Variants in ARHGAP32 observed in about 807,000 individuals in gnomAD.
ARHGAP32 encodes Rho GTPase activating protein 32.
ARHGAP32 carries 51 observed loss-of-function variants against 186.5 expected under a neutral mutation model. The ratio of observed to expected loss-of-function variants is 0.27; its 90% CI spans 0.22 to 0.35. The LOEUF is 0.35. Among genes scored for constraint, ARHGAP32 ranks in the 10% least tolerant of loss-of-function variants. The pLI is 1.00. For missense variants in ARHGAP32, 2,186 were observed against 2,623.5 expected, an observed-to-expected ratio of 0.83 and a Z score of 3.64; for synonymous variants, 950 against 964.3, an observed-to-expected ratio of 0.99 and a Z score of 0.27.
In ARHGAP32 at chr11:129,192,073, C is replaced by A; in HGVS notation, c.116+10G>T. ...GGACAGGACAAAGGAACTGTGAATT[C>A]CATAATCACCTGAACTTCTCTTCCC... On this transcript the variant is annotated intron_variant, in intron 1 of 22. Transcript: ENST00000682385. 6.2e-7 allele frequency: 1 copy of A among 1,600,642 alleles called. No individual in the cohort carries two copies. Among genetic ancestry groups the A allele is most frequent in the Non-Finnish European group, 8.6e-7 (1 of 1,168,190 alleles).
At chr11:129,036,380 CAAAAAA>C (rs58678377) in intron 11 of ARHGAP32, among the ~76,000 whole-genome samples, 1 of 98,698 alleles carries the variant, frequency 1.0e-5, no homozygotes, top group African/African-American at 4.5e-5. Context: ...AACTCCGTCT[CAAAAAA>C]AAAAAAAAAA....
At position 128,998,458 on chromosome 11, in the gene ARHGAP32, CT is replaced by C; in HGVS notation, c.1055del (p.Lys352SerfsTer13). Reference protein sequence around the residue: ...TNSVPKPVSKKHGKLITFLRT... With the variant: ...TNSVPKPVSKXHGKLITFLRT... ...GTAAGAACGTAATGAGCTTGCCGTGCTTTTTAGACACTAAAAATCAATAAAG... is the reference window on the plus strand; with the variant it reads ...GTAAGAACGTAATGAGCTTGCCGTGCTTTTAGACACTAAAAATCAATAAAG... On this transcript the variant is annotated frameshift_variant, in exon 12 of 23. Coordinates refer to ENST00000682385, the MANE Select transcript of ARHGAP32 (RefSeq NM_001378024.1). LOFTEE classifies it high-confidence loss of function. 1.3e-6 allele frequency: 2 copies of C among 1,539,224 alleles called. No homozygotes were observed. Among genetic ancestry groups the C allele is most frequent in the Non-Finnish European group, 1.8e-6 (2 of 1,137,118 alleles).
Position 128,973,187 on chromosome 11 carries a change from G to A in ARHGAP32, c.3319C>T (p.Leu1107=). 3 of 1,614,182 alleles carry A rather than the reference G, an allele frequency of 1.9e-6. No homozygotes were observed. Among genetic ancestry groups the A allele is most frequent in the East Asian group, 2.2e-5 (1 of 44,878 alleles). Residue 1107 remains leucine (L), a synonymous_variant, in exon 22 of 23, where the codon CTA becomes TTA. Transcript: ENST00000682385. ...NLSSSYSAVA[L]DKAYFQTDRP... ...TCGGTTTGGAAATAGGCCTTATCTA[G>A]AGCAACTGCAGAGTAAGAACTGGAC...
intron 1 of ARHGAP32, among the ~76,000 whole-genome samples, chr11:129,174,456 T>G (rs2135514601): frequency 6.6e-6 from 1 of 152,306 alleles, no homozygotes; most frequent in Middle Eastern, 3.4e-3. Flanking sequence ...CAAGGAGGCC[T>G]GCCTGCCTCT....
intron 1 of ARHGAP32, among the ~76,000 whole-genome samples, chr11:129,237,122 CT>C (rs976570702): frequency 1.3e-5 from 2 of 152,116 alleles, no homozygotes; most frequent in African/African-American, 4.8e-5. Context: ...GGTAGATTAT[CT>C]TTTTGATATG....
At chr11:129,255,116 T>C (rs1591721965) in intron 1 of ARHGAP32, among the ~76,000 whole-genome samples, 1 of 152,092 alleles carries the variant, frequency 6.6e-6, no homozygotes, top group African/African-American at 2.4e-5. Context: ...GCTGGATACA[T>C]TAAAACTAAC....
intron 1 of ARHGAP32, among the ~76,000 whole-genome samples, chr11:129,209,633 G>C (rs1944555576): frequency 1.3e-5 from 2 of 148,852 alleles, no homozygotes; most frequent in Non-Finnish European, 3.0e-5. Flanking sequence ...TCTCAAAACT[G>C]AAACACTGGT....
intron 6 of ARHGAP32, among the ~76,000 whole-genome samples, chr11:129,087,831 T>C (rs1396192290): frequency 6.6e-6 from 1 of 152,212 alleles, no homozygotes; most frequent in Non-Finnish European, 1.5e-5. Flanking sequence ...TGCATGTGTG[T>C]CAAAACATGG....
chr11:129,052,036 G>T (rs1591569033), intron 10 of ARHGAP32, among the ~76,000 whole-genome samples: 4 of 147,994 alleles, frequency 2.7e-5, no homozygotes, highest in Admixed American at 2.7e-4. Flanking sequence ...TTTTCTTCTT[G>T]AAGTTTTATA....
chr11:129,077,795 A>G (rs1941092732), intron 6 of ARHGAP32, among the ~76,000 whole-genome samples: 1 of 152,122 alleles, frequency 6.6e-6, no homozygotes, highest in South Asian at 2.1e-4. Context: ...AGGAGACCTT[A>G]GCCAAGCTTG....
At chr11:129,081,155 G>T (rs1941207774) in intron 6 of ARHGAP32, among the ~76,000 whole-genome samples, 1 of 152,020 alleles carries the variant, frequency 6.6e-6, no homozygotes, top group Non-Finnish European at 1.5e-5. Context: ...GGACCAGATG[G>T]ATTCACAGCT....
intron 10 of ARHGAP32, among the ~76,000 whole-genome samples, chr11:129,056,195 G>A (rs1411122838): frequency 6.6e-6 from 1 of 152,168 alleles, no homozygotes; most frequent in Non-Finnish European, 1.5e-5. Flanking sequence ...TAGGTGAGGG[G>A]AGTGGGCAGG....
At chr11:129,031,309 C>T (rs1660841387) in intron 11 of ARHGAP32, among the ~76,000 whole-genome samples, 2 of 152,078 alleles carry the variant, frequency 1.3e-5, no homozygotes, top group Non-Finnish European at 1.5e-5. Flanking sequence ...GTCTTAAGTA[C>T]CTTATCCATA....
chr11:129,117,612 C>T (rs1591629730), intron 5 of ARHGAP32, among the ~76,000 whole-genome samples: 1 of 152,086 alleles, frequency 6.6e-6, no homozygotes, highest in South Asian at 2.1e-4. Flanking sequence ...TAAATTCATA[C>T]TTTTCCTATT....
chr11:129,205,386 G>A (rs1944503416), intron 1 of ARHGAP32, among the ~76,000 whole-genome samples: 1 of 151,998 alleles, frequency 6.6e-6, no homozygotes, highest in Non-Finnish European at 1.5e-5. Context: ...ACTATTACAG[G>A]TACTATTCAA....
intron 6 of ARHGAP32, 37 bp downstream of exon 6, chr11:129,093,584 A>T (rs747254386): frequency 7.0e-7 from 1 of 1,425,668 alleles, no homozygotes; most frequent in East Asian, 2.3e-5. Flanking sequence ...CTAATTCTTA[A>T]CTTCATATGA....
chr11:129,168,368 T>C (rs1268975087), intron 1 of ARHGAP32, among the ~76,000 whole-genome samples: 1 of 152,196 alleles, frequency 6.6e-6, no homozygotes, highest in South Asian at 2.1e-4. Context: ...AAGGCTAGCG[T>C]AGCTATATTA....
At chr11:129,154,556 A>T (rs1943359420) in intron 2 of ARHGAP32, among the ~76,000 whole-genome samples, 1 of 152,240 alleles carries the variant, frequency 6.6e-6, no homozygotes, top group Non-Finnish European at 1.5e-5. Flanking sequence ...AGCCACAAAA[A>T]GGAATGAAAT....
chr11:129,141,023 C>T (rs1943040302), intron 2 of ARHGAP32, among the ~76,000 whole-genome samples: 1 of 152,178 alleles, frequency 6.6e-6, no homozygotes, highest in Non-Finnish European at 1.5e-5. Flanking sequence ...TATGGCAACT[C>T]CCATAATATA....
Sources: gnomAD v4.1 joint callset for allele counts (sites outside exome capture counted in the v4.1 genomes callset) on GRCh38, gnomAD v4.1.1 for gene constraint, MANE v1.5 for transcripts, NCBI Gene and HGNC (gene_info 2026-07-23, HGNC 2026-07-21) for gene names.